USP10: variants seen among roughly 807,000 people sequenced by gnomAD.
The protein encoded by USP10 is ubiquitin specific peptidase 10, also known as ubiquitin carboxyl-terminal hydrolase 10.
Under a neutral mutation model 84.5 loss-of-function variants are expected in USP10, and 22 were observed. That is an observed-to-expected ratio of 0.26 (90% CI 0.19 to 0.37). The LOEUF (loss-of-function observed/expected upper bound fraction) is 0.37, where lower values mean the gene tolerates loss of function less well. USP10 is among the 10% of genes least tolerant of loss of function. The probability of loss-of-function intolerance (pLI) is 1.00; values close to 1 mark genes in which losing one functional copy is unlikely to be tolerated. For missense variants in USP10, 1,019 were observed against 998.9 expected (o/e 1.02, Z -0.27); for synonymous variants, 454 against 387.6 (o/e 1.17, Z -2.01).
chr16:84,769,092 T>A (rs1330647690), intron 11 of USP10, among the ~76,000 whole-genome samples: 1 of 152,176 alleles, frequency 6.6e-6, no homozygotes, highest in Non-Finnish European at 1.5e-5. Context: ...TTCATAAAAA[T>A]GCACTGGGGA....
chr16:84,776,012 T>C (rs1914974075), intron 13 of USP10, among the ~76,000 whole-genome samples: 1 of 152,234 alleles, frequency 6.6e-6, no homozygotes, highest in African/African-American at 2.4e-5. Flanking sequence ...GGTGTGGCCT[T>C]TGGTGAACCT....
chr16:84,749,678 T>C (rs780792665), intron 4 of USP10, among the ~76,000 whole-genome samples: 1 of 152,230 alleles, frequency 6.6e-6, no homozygotes, highest in African/African-American at 2.4e-5. Flanking sequence ...ATTTCCCCTA[T>C]TGTTAAGTCT....
At chr16:84,772,405 GGAAAAGCCAT>G in intron 11 of USP10, 126 bp from the exon 12 acceptor site, 3 of 1,237,272 alleles carry the variant, frequency 2.4e-6, no homozygotes, top group Non-Finnish European at 3.4e-6. Flanking sequence ...CTGTGGGGCA[GGAAAAGCCAT>G]GAAGTCCTGC....
At chr16:84,717,870 G>A (rs1567596087) in intron 1 of USP10, among the ~76,000 whole-genome samples, 1 of 152,172 alleles carries the variant, frequency 6.6e-6, no homozygotes. Context: ...TCATTCAGTT[G>A]CTATTCTTGC....
chr16:84,769,324 G>T (rs1388955725), intron 11 of USP10, among the ~76,000 whole-genome samples: 3 of 152,176 alleles, frequency 2.0e-5, no homozygotes, highest in South Asian at 2.1e-4. Context: ...CACCTTCGGG[G>T]TGTCCTGCTG....
At chr16:84,763,619 G>A (rs539508678) in intron 9 of USP10, among the ~76,000 whole-genome samples, 3 of 152,304 alleles carry the variant, frequency 2.0e-5, no homozygotes, top group African/African-American at 7.2e-5. Flanking sequence ...TTCAAATTTC[G>A]CCAGTTGTCC....
At position 84,718,396 on chromosome 16, in the gene USP10, A is replaced by G. The variant is rs368267983; in HGVS notation, c.22-15039A>G. On this transcript the variant is annotated intron_variant, in intron 1 of 13. Transcript: ENST00000219473. ...AGCCTCCTGAGGAGCTGGGACTGCA[A>G]GTGTGGGCCACTGTGTTTGGCAGGA... Among the ~76,000 whole-genome samples the G allele has an allele frequency of 1.7e-4, 26 of 152,250 alleles. No homozygotes were observed. The East Asian group carries it at 3.7e-3, about 22-fold the overall frequency.
intron 11 of USP10, among the ~76,000 whole-genome samples, chr16:84,769,688 C>T (rs958841214): frequency 6.6e-6 from 1 of 152,172 alleles, no homozygotes; most frequent in Non-Finnish European, 1.5e-5. Flanking sequence ...TTTCTTGAGC[C>T]AGCTATGGGA....
intron 2 of USP10, among the ~76,000 whole-genome samples, chr16:84,733,741 C>T (rs938249640): frequency 9.2e-5 from 14 of 152,186 alleles, no homozygotes; most frequent in Non-Finnish European, 1.3e-4. Flanking sequence ...ACTGAAGCCT[C>T]CTTTGGACCT....
At chr16:84,756,009 C>G (rs1215246151) in intron 4 of USP10, among the ~76,000 whole-genome samples, 1 of 152,136 alleles carries the variant, frequency 6.6e-6, no homozygotes. Context: ...TGTTCTTCCT[C>G]AGCTTCCATT....
intron 4 of USP10, among the ~76,000 whole-genome samples, chr16:84,751,334 A>G (rs1418076329): frequency 6.6e-6 from 1 of 152,132 alleles, no homozygotes; most frequent in Admixed American, 6.5e-5. Flanking sequence ...CCTAAAACTG[A>G]TCTTTATTTT....
At chr16:84,762,062 A>G (rs1185550035) in intron 8 of USP10, among the ~76,000 whole-genome samples, 5 of 152,272 alleles carry the variant, frequency 3.3e-5, no homozygotes, top group Admixed American at 2.6e-4. Flanking sequence ...GCTGTGAAGA[A>G]TGAAATATGA....
chr16:84,715,027 A>G (rs1281222872), intron 1 of USP10, among the ~76,000 whole-genome samples: 1 of 150,754 alleles, frequency 6.6e-6, no homozygotes, highest in Non-Finnish European at 1.5e-5. Context: ...CTCTTGTGCT[A>G]AAGCGATTCT....
chr16:84,759,034 G>C (rs947748103), intron 5 of USP10, among the ~76,000 whole-genome samples: 4 of 152,234 alleles, frequency 2.6e-5, no homozygotes, highest in African/African-American at 9.6e-5. Context: ...GAGGGCTGCA[G>C]ACAAGCTGGC....
chr16:84,776,841 T>G (rs1264898350), intron 13 of USP10, among the ~76,000 whole-genome samples: 1 of 152,110 alleles, frequency 6.6e-6, no homozygotes, highest in Non-Finnish European at 1.5e-5. Context: ...GAGATAGAGT[T>G]TTGCTCTGTC....
At chr16:84,754,060 G>T (rs950834736) in intron 4 of USP10, among the ~76,000 whole-genome samples, 3 of 152,130 alleles carry the variant, frequency 2.0e-5, no homozygotes, top group Non-Finnish European at 4.4e-5. Context: ...TGCGGACTTT[G>T]TTGAGCAGTT....
intron 4 of USP10, among the ~76,000 whole-genome samples, chr16:84,756,841 T>C (rs1912600664): frequency 6.6e-6 from 1 of 152,222 alleles, no homozygotes; most frequent in African/African-American, 2.4e-5. Context: ...TGTGATGATA[T>C]GGTTTAAAGA....
chr16:84,755,771 C>G (rs1912460703), intron 4 of USP10, among the ~76,000 whole-genome samples: 1 of 145,350 alleles, frequency 6.9e-6, no homozygotes, highest in Admixed American at 7.0e-5. Context: ...GCATTCCAGC[C>G]TGGGCGGCAG....
Position 84,759,423 on chromosome 16 carries a change from T to C in USP10, c.1345T>C (p.Tyr449His). 2 of 1,614,054 alleles carry C rather than the reference T, an allele frequency of 1.2e-6. No individual in the cohort carries two copies. The highest frequency in any genetic ancestry group is 1.7e-6 in the Non-Finnish European group (2 of 1,179,896). Residue 449 changes from tyrosine to histidine, a missense_variant, in exon 6 of 14, where the codon TAT becomes CAT. Coordinates refer to ENST00000219473, the MANE Select transcript of USP10 (RefSeq NM_005153.3). ...CCACCTGATGAAGTTCATTCCTCTG[T>C]ATTCCAAAGTGCAAAGGCCTTGTAC... ...MYHLMKFIPL[Y>H]SKVQRPCTST...
Sources: gnomAD v4.1 joint callset for allele counts (sites outside exome capture counted in the v4.1 genomes callset) on GRCh38, gnomAD v4.1.1 for gene constraint, MANE v1.5 for transcripts, NCBI Gene and HGNC (gene_info 2026-07-23, HGNC 2026-07-21) for gene names.